The following RFX2 variants were observed in gnomAD, a reference collection of about 807,000 sequenced individuals.
RFX2 encodes the protein DNA-binding protein RFX2.
A neutral mutation model predicts 87.8 loss-of-function variants in RFX2; 20 were observed. The observed-to-expected ratio is 0.23, with a 90% CI of 0.16 to 0.33. The LOEUF is 0.33. Among genes scored for constraint, RFX2 ranks in the 10% least tolerant of loss-of-function variants. RFX2 has a pLI of 1.00. For missense variants in RFX2, 767 were observed against 1,012.3 expected (o/e 0.76, Z 3.29); for synonymous variants, 397 against 431.3 (o/e 0.92, Z 0.98).
chr19:6,068,991 G>A (rs1168696193), intron 1 of RFX2, among the ~76,000 whole-genome samples: 2 of 152,194 alleles, frequency 1.3e-5, no homozygotes, highest in Non-Finnish European at 2.9e-5. Context: ...AGGAGGTAGA[G>A]TCAGCCAGAT....
chr19:6,006,884 G>A (rs1351962424), intron 12 of RFX2, 128 bp downstream of exon 12: 12 of 1,053,950 alleles, frequency 1.1e-5, no homozygotes, highest in Admixed American at 2.3e-5. Context: ...GAGCCACCGC[G>A]CCCGGCCACT....
At position 6,004,979 on chromosome 19, in the gene RFX2, C is replaced by T. The variant is rs760039635; in HGVS notation, c.1403-681G>A. Among the ~76,000 whole-genome samples the T allele has an allele frequency of 1.1e-4, 16 of 151,870 alleles. No individual in the cohort carries two copies. Among genetic ancestry groups the T allele is most frequent in the Admixed American group, 4.6e-4 (7 of 15,228 alleles). On this transcript the variant is annotated intron_variant, in intron 12 of 17. Transcript: ENST00000303657. This position sits in a 1 kb window ranked among gnomAD's most constrained non-coding sequence, Gnocchi z 4.8. ...ACTAAAAATACAAAAATGATCTGGA[C>T]GTGGCGGTGGGTGCCTGTAGTCCCA...
intron 15 of RFX2, among the ~76,000 whole-genome samples, chr19:6,000,629 A>G (rs1221224840): frequency 6.6e-6 from 1 of 152,272 alleles, no homozygotes; most frequent in Non-Finnish European, 1.5e-5. Flanking sequence ...GTTCCCCTGC[A>G]CATGCTCTCT....
In RFX2 at chr19:6,011,137, T is replaced by TTAAAATAAAA. The variant is rs57004871; in HGVS notation, c.900-896_900-887dup. Among the ~76,000 whole-genome samples the TTAAAATAAAA allele has an allele frequency of 0.052, 7,848 of 151,080 alleles. 675 individuals are homozygous for TTAAAATAAAA. The highest frequency in any genetic ancestry group is 0.18 in the African/African-American group (7,418 of 40,746). On this transcript the variant is annotated intron_variant, in intron 8 of 17. Coordinates refer to ENST00000303657, the MANE Select transcript of RFX2 (RefSeq NM_000635.4). This position sits in a 1 kb window ranked among gnomAD's most constrained non-coding sequence, Gnocchi z 4.8. Reference sequence around the variant, plus strand: ...GTCTCAAAAAAAATAAATAAATTAATTAAAATAAAATAAAATAAAATAAAA... The same window carrying TTAAAATAAAA: ...GTCTCAAAAAAAATAAATAAATTAATTAAAATAAAATAAAATAAAATAAAATAAAATAAAA...
At chr19:6,076,907 C>T (rs1417789997) in intron 1 of RFX2, 1 of 152,222 alleles carries the variant, frequency 6.6e-6, no homozygotes, top group Non-Finnish European at 1.5e-5. Context: ...ATACTTGTTT[C>T]TCTCCCAGCA....
At chr19:6,025,208 TC>T (rs1330307779) in intron 6 of RFX2, among the ~76,000 whole-genome samples, 3 of 152,116 alleles carry the variant, frequency 2.0e-5, no homozygotes, top group Non-Finnish European at 2.9e-5. Flanking sequence ...GAGCTTTCCT[TC>T]TCTGTTGTCC....
chr19:6,008,117 G>A lies in RFX2; in HGVS notation c.1123C>T (p.Arg375Trp), dbSNP rs981390543. The change falls in exon 10 of 18, where the codon CGG becomes TGG. Residue 375 changes from arginine (R) to tryptophan (W), a missense_variant. By Grantham distance (101) the Arg-to-Trp change is moderately radical. Around this residue, in one of 2 missense-constraint regions of RFX2, gnomAD observed 621 missense variants for 873.0 expected, o/e 0.71. Transcript: ENST00000303657. The part of the protein sequence containing the change: ...DVKALQLVYR[R>W]HCEATVDVVM... ...GCTGGGGCGGTCACCTCGCAGTGCC[G>A]TCTGTACACCAGCTGCAGGGCCTTG... 47 of 1,550,976 alleles carry A rather than the reference G, an allele frequency of 3.0e-5. No individual in the cohort carries two copies. The highest frequency in any genetic ancestry group is 4.9e-5 in the East Asian group (2 of 41,084).
At chr19:6,076,507 C>T (rs2087694537) in intron 1 of RFX2, among the ~76,000 whole-genome samples, 1 of 152,168 alleles carries the variant, frequency 6.6e-6, no homozygotes. Flanking sequence ...TGGGTGACCT[C>T]AGCCAGGGAC....
Position 6,001,669 on chromosome 19 carries a change from G to T in RFX2, c.1859+146C>A. ...CATGAGTGAGGCCCCCAGCCAGGTAGTTGTTTTTTGCGGGTTCAGACACTG... is the reference window on the plus strand; with the variant it reads ...CATGAGTGAGGCCCCCAGCCAGGTATTTGTTTTTTGCGGGTTCAGACACTG... On this transcript the variant is annotated intron_variant, in intron 15 of 17. Coordinates refer to ENST00000303657, the MANE Select transcript of RFX2 (RefSeq NM_000635.4). This position sits in a 1 kb window ranked among gnomAD's most constrained non-coding sequence, Gnocchi z 5.6. 1 of 663,782 alleles carries T rather than the reference G, an allele frequency of 1.5e-6. No individual in the cohort carries two copies. The highest frequency in any genetic ancestry group is 2.4e-6 in the Non-Finnish European group (1 of 409,662). The allele number at this position is 663,782 out of a possible 1,614,324, so 41.1% of individuals were successfully genotyped here.
intron 1 of RFX2, among the ~76,000 whole-genome samples, chr19:6,069,887 C>T (rs938107185): frequency 3.3e-5 from 5 of 152,090 alleles, no homozygotes; most frequent in African/African-American, 7.2e-5. Flanking sequence ...AAACTGAGAG[C>T]GGGTTTCTGA....
rs2086505416 is a variant in RFX2, at chr19:6,002,545, G to A, written c.1650+176C>T. On this transcript the variant is annotated intron_variant, in intron 14 of 17. Transcript: ENST00000303657. The surrounding 1 kb of genome is among the most constrained non-coding windows in gnomAD (Gnocchi z 6.7). ...CCAGAGGGCCCTGAGAGATGATGGA[G>A]TGGAGAGAGCTGGGGGCTGTGGGTG... Among the ~76,000 whole-genome samples the A allele has an allele frequency of 1.3e-5, 2 of 152,216 alleles. No homozygotes were observed. The highest frequency in any genetic ancestry group is 4.8e-5 in the African/African-American group (2 of 41,460).
rs1252877954 is a variant in RFX2 at position 6,064,237 on chromosome 19, G to A, written c.-8-16733C>T. Among the ~76,000 whole-genome samples the A allele has an allele frequency of 7.2e-5, 11 of 152,302 alleles. No individual in the cohort carries two copies. The highest frequency in any genetic ancestry group is 1.0e-4 in the Non-Finnish European group (7 of 68,008). ...TTCACCATGTTGGCCTCCAGCTCCCGTCTTCAGCTGAGCACAGGGGCCTGT... is the reference window on the plus strand; with the variant it reads ...TTCACCATGTTGGCCTCCAGCTCCCATCTTCAGCTGAGCACAGGGGCCTGT... On this transcript the variant is annotated intron_variant, in intron 1 of 17. Transcript: ENST00000303657. This position sits in a 1 kb window ranked among gnomAD's most constrained non-coding sequence, Gnocchi z 4.8.
Position 6,010,362 on chromosome 19 carries a change from C to T in RFX2, c.900-111G>A. On this transcript the variant is annotated intron_variant, in intron 8 of 17. Coordinates refer to ENST00000303657, the MANE Select transcript of RFX2 (RefSeq NM_000635.4). The surrounding 1 kb of genome is among the most constrained non-coding windows in gnomAD (Gnocchi z 5.0). ...GTCAGGCATGTGTGTGTGATGTTTA[C>T]AAGTTGCGGTCAAATACACATAACA... The T allele has an allele frequency of 1.4e-6, 1 of 704,386 alleles. No homozygotes were observed. Among genetic ancestry groups the T allele is most frequent in the South Asian group, 1.6e-5 (1 of 61,758 alleles). The allele number at this position is 704,386 out of a possible 1,614,324, so 43.6% of individuals were successfully genotyped here. A position where few individuals can be genotyped will look rare whatever the true frequency, so the allele number is the denominator to read the frequency against.
chr19:6,017,581 T>G lies in RFX2; in HGVS notation c.598-1310A>C, dbSNP rs973241890. 6.6e-6 allele frequency among the ~76,000 whole-genome samples: 1 copy of G among 152,194 alleles called. No individual in the cohort carries two copies. Among genetic ancestry groups the G allele is most frequent in the African/African-American group, 2.4e-5 (1 of 41,454 alleles). ...AAGCGAGGCCCGAGTCCAGATCCCA[T>G]GTCAAGAGCGTCGGGGGAAACCAGC... On this transcript the variant is annotated intron_variant, in intron 6 of 17. Coordinates refer to ENST00000303657, the MANE Select transcript of RFX2 (RefSeq NM_000635.4). This position sits in a 1 kb window ranked among gnomAD's most constrained non-coding sequence, Gnocchi z 4.1.
chr19:6,065,107 G>A (rs1483386764), intron 1 of RFX2, among the ~76,000 whole-genome samples: 1 of 152,040 alleles, frequency 6.6e-6, no homozygotes, highest in African/African-American at 2.4e-5. Flanking sequence ...CTTAAACTGG[G>A]GACTGGGCAG....
chr19:6,100,497 C>T lies in RFX2; in HGVS notation c.-9+9896G>A, dbSNP rs141886097. Reference sequence around the variant, plus strand: ...TTAGGCAGGAGGCTTTGGCGGCGACCGGAAGGCTGGAGAATTATTGCCTCT... The same window carrying T: ...TTAGGCAGGAGGCTTTGGCGGCGACTGGAAGGCTGGAGAATTATTGCCTCT... On this transcript the variant is annotated intron_variant, in intron 1 of 17. Transcript: ENST00000303657. Among the ~76,000 whole-genome samples the T allele has an allele frequency of 2.2e-3, 336 of 152,226 alleles. 1 individual carries two copies. Among genetic ancestry groups the T allele is most frequent in the Non-Finnish European group, 4.3e-3 (292 of 68,018 alleles).
Position 6,056,215 on chromosome 19 carries a change from G to A in RFX2, c.-8-8711C>T, listed in dbSNP as rs544527484. On this transcript the variant is annotated intron_variant, in intron 1 of 17. Transcript: ENST00000303657. This position sits in a 1 kb window ranked among gnomAD's most constrained non-coding sequence, Gnocchi z 4.6. ...ACAACGAAGCCTGTAAAAATACAAG[G>A]GTGGAGAGGAGGACGGAGAGTGGGT... Among the ~76,000 whole-genome samples the A allele has an allele frequency of 6.6e-6, 1 of 152,300 alleles. No homozygotes were observed. The highest frequency in any genetic ancestry group is 1.9e-4 in the East Asian group (1 of 5,190).
At chr19:6,097,927 C>T (rs2088053290) in intron 1 of RFX2, among the ~76,000 whole-genome samples, 1 of 152,164 alleles carries the variant, frequency 6.6e-6, no homozygotes, top group Non-Finnish European at 1.5e-5. Flanking sequence ...ACAGGCACTA[C>T]TTTTAAAGTC....
chr19:6,004,433 G>A lies in RFX2; in HGVS notation c.1403-135C>T. 2.8e-6 allele frequency: 2 copies of A among 715,156 alleles called. No individual in the cohort carries two copies. The highest frequency in any genetic ancestry group is 2.1e-5 in the Admixed American group (1 of 48,342). 44.3% of individuals were successfully genotyped at this position (715,156 alleles called of 1,614,324 possible). ...AAGAACGAGCCACACAGGCGACGGG[G>A]AACCGAGGACACTTAGAAACGGGAA... On this transcript the variant is annotated intron_variant, in intron 12 of 17. Transcript: ENST00000303657. This position sits in a 1 kb window ranked among gnomAD's most constrained non-coding sequence, Gnocchi z 4.8.
Sources: allele counts gnomAD v4.1 joint callset (sites outside exome capture counted in the v4.1 genomes callset), GRCh38; gene constraint gnomAD v4.1.1; regional missense constraint gnomAD v4.1.1; non-coding constraint Gnocchi (gnomAD v3.1); transcripts MANE v1.5; gene names NCBI Gene and HGNC (gene_info 2026-07-23, HGNC 2026-07-21).